The following SSBP2 variants were observed in gnomAD, a reference collection of about 807,000 sequenced individuals.
The protein encoded by SSBP2 is single-stranded DNA-binding protein 2.
SSBP2 carries 17 observed loss-of-function variants against 61.8 expected under a neutral mutation model. The ratio of observed to expected loss-of-function variants is 0.28; its 90% CI spans 0.19 to 0.41. SSBP2 has a LOEUF of 0.41. SSBP2 is among the 10% of genes least tolerant of loss of function. The probability of loss-of-function intolerance (pLI) is 1.00; values close to 1 mark genes in which losing one functional copy is unlikely to be tolerated. For missense variants in SSBP2, 310 were observed against 458.7 expected, an observed-to-expected ratio of 0.68 and a Z score of 2.96; for synonymous variants, 139 against 141.3, an observed-to-expected ratio of 0.98 and a Z score of 0.12.
chr5:81,611,077 C>T (rs1206482013), intron 4 of SSBP2, among the ~76,000 whole-genome samples: 1 of 152,144 alleles, frequency 6.6e-6, no homozygotes, highest in Non-Finnish European at 1.5e-5. Context: ...ATAGCTCTAT[C>T]CATTATTTCT....
At chr5:81,557,266 A>AT (rs1772679660) in intron 4 of SSBP2, among the ~76,000 whole-genome samples, 1 of 151,964 alleles carries the variant, frequency 6.6e-6, no homozygotes, top group Non-Finnish European at 1.5e-5. Context: ...TGCTTTTTAG[A>AT]TTTTCTCTTA....
chr5:81,498,391 A>G lies in SSBP2; in HGVS notation c.373-9082T>C, dbSNP rs1409530827. On this transcript the variant is annotated intron_variant, in intron 5 of 16. Transcript: ENST00000320672. ...GACCTGTGTAAACATGACTTTAGAC[A>G]TATTTATTCTTTCCTCTGATACTTT... 4.6e-5 allele frequency among the ~76,000 whole-genome samples: 7 copies of G among 152,204 alleles called. No individual in the cohort carries two copies. The East Asian group carries it at 1.2e-3, about 25-fold the overall frequency.
At chr5:81,435,221 A>G (rs1762599840) in intron 15 of SSBP2, among the ~76,000 whole-genome samples, 2 of 152,218 alleles carry the variant, frequency 1.3e-5, no homozygotes, top group South Asian at 4.1e-4. Context: ...TATTTATCCA[A>G]TTCGTTTGAT....
chr5:81,665,751 C>T (rs1486654779), intron 1 of SSBP2, among the ~76,000 whole-genome samples: 1 of 152,138 alleles, frequency 6.6e-6, no homozygotes, highest in Non-Finnish European at 1.5e-5. Flanking sequence ...GTGATCTACC[C>T]GCCTTGGCCT....
intron 14 of SSBP2, among the ~76,000 whole-genome samples, chr5:81,439,376 T>A (rs1762866955): frequency 6.6e-6 from 1 of 152,202 alleles, no homozygotes; most frequent in African/African-American, 2.4e-5. Context: ...ATAACTATAG[T>A]ATGTGGTATG....
At chr5:81,595,369 A>G (rs1461670958) in intron 4 of SSBP2, among the ~76,000 whole-genome samples, 17 of 152,044 alleles carry the variant, frequency 1.1e-4, no homozygotes, top group Admixed American at 1.1e-3. Flanking sequence ...AACCAAAAAA[A>G]CTCCAGGACC....
At chr5:81,464,861 G>T (rs1764783086) in intron 9 of SSBP2, among the ~76,000 whole-genome samples, 1 of 152,136 alleles carries the variant, frequency 6.6e-6, no homozygotes, top group East Asian at 1.9e-4. Flanking sequence ...CTGTGTGTAT[G>T]CATTACAGTT....
At chr5:81,552,132 G>A (rs12521909) in intron 4 of SSBP2, among the ~76,000 whole-genome samples, 55,583 of 151,986 alleles carry the variant, frequency 0.37, 13,858 homozygotes, top group African/African-American at 0.72. Context: ...TGGTTAGTGA[G>A]TATATGAATA....
At chr5:81,671,376 T>C (rs1318169892) in intron 1 of SSBP2, among the ~76,000 whole-genome samples, 2 of 152,120 alleles carry the variant, frequency 1.3e-5, no homozygotes, top group East Asian at 3.8e-4. Context: ...TTTATTCCTC[T>C]CTTCATTAGT....
At chr5:81,503,740 T>C (rs530040720) in intron 5 of SSBP2, among the ~76,000 whole-genome samples, 3 of 152,310 alleles carry the variant, frequency 2.0e-5, no homozygotes, top group African/African-American at 7.2e-5. Context: ...TAAATGCCCA[T>C]TAATGACAGA....
Position 81,675,311 on chromosome 5 carries a change from A to G in SSBP2, c.63-24972T>C, listed in dbSNP as rs574733638. 3.3e-5 allele frequency among the ~76,000 whole-genome samples: 5 copies of G among 152,302 alleles called. No homozygotes were observed. The East Asian group carries it at 7.7e-4, about 24-fold the overall frequency. ...CATCATCTCCCTTAAAACTGGGTAC[A>G]TTCACTTGCCTAAAGTTTGGCCAAA... On this transcript the variant is annotated intron_variant, in intron 1 of 16. Coordinates refer to ENST00000320672, the MANE Select transcript of SSBP2 (RefSeq NM_012446.5).
chr5:81,730,923 AT>A (rs143482090), intron 1 of SSBP2, among the ~76,000 whole-genome samples: 14,802 of 152,194 alleles, frequency 0.097, 805 homozygotes, highest in Middle Eastern at 0.2. Flanking sequence ...TTTCTAATAT[AT>A]TTTTATTGTG....
chr5:81,742,801 G>C (rs1581462621), intron 1 of SSBP2, among the ~76,000 whole-genome samples: 1 of 152,082 alleles, frequency 6.6e-6, no homozygotes, highest in African/African-American at 2.4e-5. Flanking sequence ...GCTTGAACCT[G>C]GGGGGTGTGT....
At chr5:81,721,879 G>A (rs907161030) in intron 1 of SSBP2, among the ~76,000 whole-genome samples, 1 of 151,970 alleles carries the variant, frequency 6.6e-6, no homozygotes, top group Non-Finnish European at 1.5e-5. Context: ...CAAAAACACT[G>A]GACTCTATGC....
intron 5 of SSBP2, among the ~76,000 whole-genome samples, chr5:81,494,455 T>C (rs1468949520): frequency 6.6e-6 from 1 of 152,236 alleles, no homozygotes; most frequent in African/African-American, 2.4e-5. Context: ...TGATGGTATT[T>C]GGAGGTGGGA....
chr5:81,593,365 T>C (rs570553890), intron 4 of SSBP2, among the ~76,000 whole-genome samples: 13 of 152,292 alleles, frequency 8.5e-5, no homozygotes, highest in African/African-American at 2.4e-4. Flanking sequence ...CTACGTCTGA[T>C]TGGTGTACCT....
chr5:81,644,414 G>A (rs766289296), intron 2 of SSBP2, among the ~76,000 whole-genome samples: 5 of 152,128 alleles, frequency 3.3e-5, no homozygotes, highest in South Asian at 4.2e-4. Context: ...GAAGAAGCTC[G>A]GGGGTCTGGA....
chr5:81,701,931 A>G (rs1754009882), intron 1 of SSBP2, among the ~76,000 whole-genome samples: 2 of 152,340 alleles, frequency 1.3e-5, no homozygotes, highest in South Asian at 4.1e-4. Flanking sequence ...TAGTTAATGA[A>G]AAGTTTAGAA....
At chr5:81,434,512 C>T (rs113503301) in intron 15 of SSBP2, among the ~76,000 whole-genome samples, 2,755 of 151,636 alleles carry the variant, frequency 0.018, 81 homozygotes, top group African/African-American at 0.063. Flanking sequence ...GCCTGTAATC[C>T]CAGCTACTTG....
Sources: gnomAD v4.1 joint callset for allele counts (sites outside exome capture counted in the v4.1 genomes callset) on GRCh38, gnomAD v4.1.1 for gene constraint, MANE v1.5 for transcripts, NCBI Gene and HGNC (gene_info 2026-07-23, HGNC 2026-07-21) for gene names.